Variants in GPC5 observed in about 807,000 individuals in gnomAD.
GPC5 encodes glypican 5.
In GPC5, 47 loss-of-function variants were observed where a neutral mutation model predicts 53.9. The ratio of observed to expected loss-of-function variants is 0.87; its 90% CI spans 0.69 to 1.11. GPC5 has a LOEUF of 1.11. GPC5 is among the 50% of genes most tolerant of loss of function. GPC5 has a pLI of 0.00. For synonymous variants in GPC5, 286 were observed against 263.3 expected, an observed-to-expected ratio of 1.09 and a Z score of -0.84; for missense variants, 748 against 713.1, an observed-to-expected ratio of 1.05 and a Z score of -0.56.
intron 7 of GPC5, among the ~76,000 whole-genome samples, chr13:92,808,138 G>A (rs2138794922): frequency 6.6e-6 from 1 of 150,784 alleles, no homozygotes; most frequent in East Asian, 2.2e-4. Context: ...ATCCTTAAAA[G>A]GAAAAATAAA....
intron 6 of GPC5, among the ~76,000 whole-genome samples, chr13:91,980,791 C>T (rs1266175003): frequency 1.3e-5 from 2 of 152,186 alleles, no homozygotes; most frequent in Non-Finnish European, 1.5e-5. Flanking sequence ...CCCTTTCAAT[C>T]AGGAACTGAT....
intron 7 of GPC5, among the ~76,000 whole-genome samples, chr13:92,816,112 C>A (rs2138804542): frequency 6.6e-6 from 1 of 152,050 alleles, no homozygotes; most frequent in Middle Eastern, 3.4e-3. Flanking sequence ...ATAGAGAAGG[C>A]CAAAGACTAG....
chr13:92,322,294 CTG>C (rs2043221410), intron 7 of GPC5, among the ~76,000 whole-genome samples: 1 of 151,288 alleles, frequency 6.6e-6, no homozygotes, highest in Non-Finnish European at 1.5e-5. Flanking sequence ...AGTTCACAAA[CTG>C]TGAGCTAACA....
intron 7 of GPC5, among the ~76,000 whole-genome samples, chr13:92,321,305 G>C (rs1029198632): frequency 6.6e-6 from 1 of 152,198 alleles, no homozygotes; most frequent in South Asian, 2.1e-4. Context: ...GTCTAAAATA[G>C]AATTATTGCC....
intron 5 of GPC5, among the ~76,000 whole-genome samples, chr13:91,818,296 TC>T (rs2138824094): frequency 6.6e-6 from 1 of 152,352 alleles, no homozygotes; most frequent in African/African-American, 2.4e-5. Flanking sequence ...CTAGGCTATA[TC>T]CACTTTCACC....
intron 5 of GPC5, among the ~76,000 whole-genome samples, chr13:91,766,502 CACTTACCAGTGAT>C (rs2037526726): frequency 1.3e-5 from 2 of 152,184 alleles, no homozygotes; most frequent in Admixed American, 1.3e-4. Flanking sequence ...AAAGATTAAC[CACTTACCAGTGAT>C]GTGAATTAAG....
intron 7 of GPC5, chr13:92,701,377 C>T (rs1204229532): frequency 1.3e-5 from 2 of 152,040 alleles, no homozygotes; most frequent in Non-Finnish European, 2.9e-5. Context: ...CACCTACACA[C>T]CTAAACTCAC....
intron 7 of GPC5, among the ~76,000 whole-genome samples, chr13:92,732,782 C>A (rs1888841114): frequency 6.6e-6 from 1 of 151,670 alleles, no homozygotes; most frequent in Admixed American, 6.6e-5. Flanking sequence ...CCACCTGAAC[C>A]GCTTCGATGT....
intron 7 of GPC5, among the ~76,000 whole-genome samples, chr13:92,256,269 T>G (rs1287260964): frequency 1.3e-5 from 2 of 151,972 alleles, no homozygotes; most frequent in Non-Finnish European, 1.5e-5. Context: ...TCCACGAATA[T>G]GGGACTATAT....
rs140759537 is a variant in GPC5, at chr13:92,427,723, G to C, written c.1561+282734G>C. Among the ~76,000 whole-genome samples, 559 of 152,148 alleles carry C rather than the reference G, an allele frequency of 3.7e-3. 4 individuals are homozygous for C. Among genetic ancestry groups the C allele is most frequent in the African/African-American group, 0.013 (527 of 41,532 alleles). ...ATCTTGTGAGATACACTTTGAAGTT[G>C]ATTAACCTGGATGTGCAAGCCTAGC... is the stretch of plus-strand genomic sequence containing the variant. On this transcript the variant is annotated intron_variant, in intron 7 of 7. Coordinates refer to ENST00000377067, the MANE Select transcript of GPC5 (RefSeq NM_004466.6).
chr13:92,685,561 T>TTTTTTTTTTTTTTA (rs1887245009), intron 7 of GPC5, among the ~76,000 whole-genome samples: 3 of 100,876 alleles, frequency 3.0e-5, no homozygotes, highest in East Asian at 7.2e-4. Context: ...TTTTTTTTAA[T>TTTTTTTTTTTTTTA]TTTTTTTTTT....
At chr13:91,578,619 A>G (rs1212233731) in intron 2 of GPC5, among the ~76,000 whole-genome samples, 4 of 151,444 alleles carry the variant, frequency 2.6e-5, no homozygotes, top group Admixed American at 2.6e-4. Flanking sequence ...TTAAATTTTC[A>G]TTTGTTTCTA....
intron 7 of GPC5, among the ~76,000 whole-genome samples, chr13:92,248,924 A>G (rs999132511): frequency 6.6e-6 from 1 of 152,162 alleles, no homozygotes; most frequent in African/African-American, 2.4e-5. Flanking sequence ...GTGGTCTCCT[A>G]GGCAGCAATG....
intron 7 of GPC5, among the ~76,000 whole-genome samples, chr13:92,833,028 A>G (rs180947220): frequency 9.9e-5 from 15 of 152,236 alleles, no homozygotes; most frequent in Admixed American, 9.2e-4. Flanking sequence ...ACAAAACAAA[A>G]AAATACCCAC....
chr13:92,182,213 C>T (rs2042151937), intron 7 of GPC5, among the ~76,000 whole-genome samples: 1 of 152,062 alleles, frequency 6.6e-6, no homozygotes, highest in African/African-American at 2.4e-5. Flanking sequence ...ATTATTCCTC[C>T]CTTACAGCTA....
At chr13:91,807,687 C>A (rs1289149503) in intron 5 of GPC5, among the ~76,000 whole-genome samples, 3 of 152,046 alleles carry the variant, frequency 2.0e-5, no homozygotes, top group Admixed American at 6.6e-5. Context: ...CATTTTCATG[C>A]ATAATTATAA....
intron 7 of GPC5, among the ~76,000 whole-genome samples, chr13:92,203,201 G>A (rs1269344078): frequency 6.6e-6 from 1 of 151,318 alleles, no homozygotes. Context: ...TGTTTATTGC[G>A]GCACTATTCA....
intron 6 of GPC5, among the ~76,000 whole-genome samples, chr13:91,925,434 C>T (rs571763642): frequency 6.6e-6 from 1 of 152,208 alleles, no homozygotes; most frequent in East Asian, 1.9e-4. Flanking sequence ...ATTCACTCAT[C>T]CTTCCATTAA....
chr13:92,602,207 T>TG (rs1555294269), intron 7 of GPC5, among the ~76,000 whole-genome samples: 1 of 113,336 alleles, frequency 8.8e-6, no homozygotes, highest in Non-Finnish European at 1.8e-5. Flanking sequence ...AATATATATA[T>TG]TACATATATA....
Sources: gnomAD v4.1 joint callset for allele counts (sites outside exome capture counted in the v4.1 genomes callset) on GRCh38, gnomAD v4.1.1 for gene constraint, MANE v1.5 for transcripts, NCBI Gene and HGNC (gene_info 2026-07-23, HGNC 2026-07-21) for gene names.